The following LRRD1 variants were observed in gnomAD, a reference collection of about 807,000 sequenced individuals.
LRRD1 encodes the protein leucine-rich repeat and death domain-containing protein 1.
Under a neutral mutation model 69.5 loss-of-function variants are expected in LRRD1, and 49 were observed. That is an observed-to-expected ratio of 0.70 (90% CI 0.56 to 0.89). The LOEUF (loss-of-function observed/expected upper bound fraction) is 0.89, where lower values mean the gene tolerates loss of function less well. LRRD1 is among the 40% of genes least tolerant of loss of function. The probability of loss-of-function intolerance (pLI) is 0.00; values close to 1 mark genes in which losing one functional copy is unlikely to be tolerated. For synonymous variants in LRRD1, 303 were observed against 338.9 expected (o/e 0.89, Z 1.16); for missense variants, 853 against 956.0 (o/e 0.89, Z 1.42).
At chr7:92,143,031 G>A (rs576073430), downstream of LRRD1, 84 of 220,506 alleles carry the variant, frequency 3.8e-4, no homozygotes, top group Admixed American at 6.3e-4. Context: ...CCATTTTACA[G>A]AGAGCCCGAG....
chr7:92,161,601 G>A (rs1260768101), intron 2 of LRRD1, among the ~76,000 whole-genome samples: 1 of 152,232 alleles, frequency 6.6e-6, no homozygotes, highest in Admixed American at 6.5e-5. Flanking sequence ...ACTGGAAAAT[G>A]AGGGAGATAA....
intron 1 of LRRD1, among the ~76,000 whole-genome samples, chr7:92,168,599 C>A (rs1788977115): frequency 6.7e-6 from 1 of 149,118 alleles, no homozygotes; most frequent in Non-Finnish European, 1.5e-5. Flanking sequence ...TTACTAGAAC[C>A]AAGGCAAACC....
chr7:92,174,470 AATATATAT>A (rs1186084706), intron 1 of LRRD1, among the ~76,000 whole-genome samples: 362 of 20,212 alleles, frequency 0.018, 9 homozygotes, highest in Non-Finnish European at 0.021. Context: ...TATCAATTAG[AATATATAT>A]ATATATATAT....
At chr7:92,160,767 C>T (rs965221970) in intron 2 of LRRD1, among the ~76,000 whole-genome samples, 3 of 152,090 alleles carry the variant, frequency 2.0e-5, no homozygotes, top group African/African-American at 4.8e-5. Flanking sequence ...GAGCTGAGAT[C>T]GCACCACTGT....
chr7:92,172,107 T>A (rs1261977360), intron 1 of LRRD1, among the ~76,000 whole-genome samples: 2 of 151,990 alleles, frequency 1.3e-5, no homozygotes, highest in Non-Finnish European at 2.9e-5. Context: ...GGTGACAGAG[T>A]GAGACCAACC....
intron 2 of LRRD1, 56 bp from the exon 3 acceptor site, chr7:92,159,259 T>A: frequency 1.8e-6 from 2 of 1,100,816 alleles, no homozygotes; most frequent in Non-Finnish European, 2.4e-6. Context: ...TTTGCATGAC[T>A]AAAACTTCTT....
chr7:92,156,339 GA>G (rs1216829149), intron 3 of LRRD1, among the ~76,000 whole-genome samples: 1 of 152,052 alleles, frequency 6.6e-6, no homozygotes, highest in African/African-American at 2.4e-5. Context: ...ATTGTTTTCT[GA>G]AACAAAAAAC....
intron 1 of LRRD1, among the ~76,000 whole-genome samples, chr7:92,168,216 A>AT (rs1386114917): frequency 3.3e-5 from 5 of 152,094 alleles, no homozygotes; most frequent in South Asian, 2.1e-4. Context: ...CAAGCATACA[A>AT]TTTTTTATTG....
chr7:92,144,743 T>C (rs181804463), downstream of LRRD1: 11 of 443,590 alleles, frequency 2.5e-5, no homozygotes, highest in African/African-American at 2.2e-4. Flanking sequence ...ATTAGAGTGA[T>C]AGTTATAAGT....
Position 92,174,470 on chromosome 7 carries a change from AATATATATATAT to A in LRRD1, c.-75+4525_-75+4536del, listed in dbSNP as rs1186084706. On this transcript the variant is annotated intron_variant, in intron 1 of 5. Transcript: ENST00000458448. ...TCTACATATATTATGTATCAATTAG[AATATATATATAT>A]ATATATATATATATATATATATATA... Among the ~76,000 whole-genome samples the A allele has an allele frequency of 6.2e-3, 126 of 20,232 alleles. 2 individuals are homozygous for A. The highest frequency in any genetic ancestry group is 0.015 in the African/African-American group (90 of 6,104). The allele number at this position is 20,232 out of a possible 152,430, so 13.3% of individuals were successfully genotyped here. A position where few individuals can be genotyped will look rare whatever the true frequency, so the allele number is the denominator to read the frequency against.
chr7:92,152,808 C>G (rs1820506950), intron 3 of LRRD1, among the ~76,000 whole-genome samples: 1 of 151,846 alleles, frequency 6.6e-6, no homozygotes, highest in Non-Finnish European at 1.5e-5. Flanking sequence ...GTAGCTGGGA[C>G]TATAGGTGCG....
intron 1 of LRRD1, among the ~76,000 whole-genome samples, chr7:92,173,906 G>A (rs1789109674): frequency 6.6e-6 from 1 of 152,092 alleles, no homozygotes; most frequent in South Asian, 2.1e-4. Context: ...GTTCACAAAA[G>A]CCAAAATATG....
intron 1 of LRRD1, among the ~76,000 whole-genome samples, chr7:92,166,941 A>G (rs996934337): frequency 2.0e-5 from 3 of 152,192 alleles, no homozygotes; most frequent in Admixed American, 6.5e-5. Flanking sequence ...CAAAAAGAAA[A>G]GGTATATGGA....
Position 92,164,126 on chromosome 7 carries a change from A to G in LRRD1, c.1077T>C (p.Asn359=), listed in dbSNP as rs1177624247. 5.2e-6 allele frequency: 8 copies of G among 1,549,972 alleles called. No homozygotes were observed. Among genetic ancestry groups the G allele is most frequent in the Non-Finnish European group, 7.0e-6 (8 of 1,146,356 alleles). ...LKIKELQLAD[N]KLEVISHKIE... The stretch of plus-strand genomic sequence containing the variant: ...TTTTGTGTGAAATAACTTCCAATTT[A>G]TTGTCGGCCAGTTGGAGTTCTTTTA... Residue 359 remains asparagine, a synonymous_variant, in exon 2 of 6, where the codon AAT becomes AAC. Coordinates refer to ENST00000458448, the MANE Select transcript of LRRD1 (RefSeq NM_001161528.2).
chr7:92,167,381 T>G (rs1445439166), intron 1 of LRRD1, among the ~76,000 whole-genome samples: 1 of 150,888 alleles, frequency 6.6e-6, no homozygotes, highest in Non-Finnish European at 1.5e-5. Context: ...GGTGTGAGCC[T>G]GTAAACTTTT....
intron 1 of LRRD1, among the ~76,000 whole-genome samples, chr7:92,169,291 A>G (rs1788996102): frequency 6.6e-6 from 1 of 152,164 alleles, no homozygotes; most frequent in Non-Finnish European, 1.5e-5. Context: ...TAACACAAAA[A>G]AGCAATTCAG....
chr7:92,165,049 A>G lies in LRRD1; in HGVS notation c.154T>C (p.Ser52Pro). 6.4e-7 allele frequency: 1 copy of G among 1,551,646 alleles called. No homozygotes were observed. Among genetic ancestry groups the G allele is most frequent in the South Asian group, 1.2e-5 (1 of 84,052 alleles). ...GGATGTGTTTCATAAATCTGGTTAG[A>G]AGATTTCCCTTCCAGGTAATCAGAA... ...EASDYLEGKS[S>P]NQIYETHPRQ... The change falls in exon 2 of 6, where the codon TCT becomes CCT. Residue 52 changes from serine to proline, a missense_variant. Coordinates refer to ENST00000458448, the MANE Select transcript of LRRD1 (RefSeq NM_001161528.2).
rs1253695558 is a variant in LRRD1 at position 92,150,582 on chromosome 7, G to A, written c.2230C>T (p.Gln744Ter). 31 of 1,551,578 alleles carry A rather than the reference G, an allele frequency of 2.0e-5. No individual in the cohort carries two copies. Among genetic ancestry groups the A allele is most frequent in the Non-Finnish European group, 2.7e-5 (31 of 1,146,922 alleles). Residue 744 changes from glutamine to a stop codon, truncating the protein, a stop_gained, in exon 4 of 6, where the codon CAG becomes TAG. Coordinates refer to ENST00000458448, the MANE Select transcript of LRRD1 (RefSeq NM_001161528.2). LOFTEE classifies it high-confidence loss of function. ...AGATAGCGTGCAATAGTATACAACT[G>A]TTTTCCTTTACAGATTTCCACTGGA... ...RPPVEICKGK[Q>*]LYTIARYLQR...
rs982993467 is a variant in LRRD1, at chr7:92,173,072, G to A, written c.-75+5935C>T. Among the ~76,000 whole-genome samples, 7 of 152,046 alleles carry A rather than the reference G, an allele frequency of 4.6e-5. No homozygotes were observed. In the South Asian group the frequency reaches 1.5e-3, roughly 32 times the overall value. ...TACAGCCATCTCATTTTTGACAATA[G>A]CACCAAGAACATACAATGGGGAAAA... is the stretch of plus-strand genomic sequence containing the variant. On this transcript the variant is annotated intron_variant, in intron 1 of 5. Transcript: ENST00000458448.
Sources: gnomAD v4.1 joint callset for allele counts (sites outside exome capture counted in the v4.1 genomes callset) on GRCh38, gnomAD v4.1.1 for gene constraint, MANE v1.5 for transcripts, NCBI Gene and HGNC (gene_info 2026-07-23, HGNC 2026-07-21) for gene names.